The following UNC79 variants were observed in gnomAD, a reference collection of about 807,000 sequenced individuals.
The protein encoded by UNC79 is protein unc-79 homolog.
A neutral mutation model predicts 283.1 loss-of-function variants in UNC79; 37 were observed. The observed-to-expected ratio is 0.13, with a 90% CI of 0.10 to 0.17. The LOEUF (loss-of-function observed/expected upper bound fraction) is 0.17. Ranked by LOEUF, UNC79 falls within the 10% of genes least tolerant of loss-of-function variation. UNC79 has a pLI of 1.00. For synonymous variants in UNC79, 1,107 were observed against 1,200.2 expected, an observed-to-expected ratio of 0.92 and a Z score of 1.61; for missense variants, 2,272 against 3,211.1, an observed-to-expected ratio of 0.71 and a Z score of 7.07.
chr14:93,675,828 T>C (rs937422992), intron 41 of UNC79, among the ~76,000 whole-genome samples: 1 of 152,228 alleles, frequency 6.6e-6, no homozygotes, highest in African/African-American at 2.4e-5. Flanking sequence ...CAGCAATGGA[T>C]GCAGGGCATG....
At chr14:93,629,038 A>T (rs1213237928) in intron 30 of UNC79, among the ~76,000 whole-genome samples, 2 of 152,128 alleles carry the variant, frequency 1.3e-5, no homozygotes, top group African/African-American at 2.4e-5. Context: ...ATCTCTACTA[A>T]AAATACAAAA....
chr14:93,684,532 G>A (rs2074094155), intron 42 of UNC79, among the ~76,000 whole-genome samples: 1 of 151,926 alleles, frequency 6.6e-6, no homozygotes, highest in Non-Finnish European at 1.5e-5. Context: ...TAATTAATTG[G>A]AAAATGCTTA....
At chr14:93,555,712 T>G (rs2062141155) in intron 14 of UNC79, among the ~76,000 whole-genome samples, 1 of 152,246 alleles carries the variant, frequency 6.6e-6, no homozygotes, top group Non-Finnish European at 1.5e-5. Flanking sequence ...CCAAGATTTC[T>G]TTCTCATTTT....
At chr14:93,640,850 G>A (rs2068957352) in intron 32 of UNC79, among the ~76,000 whole-genome samples, 1 of 152,058 alleles carries the variant, frequency 6.6e-6, no homozygotes, top group African/African-American at 2.4e-5. Flanking sequence ...TTTCCCCTTT[G>A]TCTTTCATCT....
intron 19 of UNC79, 35 bp from the exon 20 acceptor site, chr14:93,582,168 G>A: frequency 6.2e-7 from 1 of 1,613,848 alleles, no homozygotes; most frequent in Non-Finnish European, 8.5e-7. Context: ...CCCCTCCAGG[G>A]CTGCTTACCT....
At chr14:93,553,142 A>G (rs1212266822) in intron 14 of UNC79, among the ~76,000 whole-genome samples, 5 of 152,260 alleles carry the variant, frequency 3.3e-5, no homozygotes, top group Admixed American at 3.3e-4. Flanking sequence ...ACTCACATAT[A>G]GTTTCCAAAT....
chr14:93,402,912 G>A (rs2055141099), intron 1 of UNC79, among the ~76,000 whole-genome samples: 1 of 152,170 alleles, frequency 6.6e-6, no homozygotes, highest in African/African-American at 2.4e-5. Context: ...CTGATGACGT[G>A]TGTCCAAGGT....
intron 14 of UNC79, among the ~76,000 whole-genome samples, chr14:93,564,678 G>A (rs990379842): frequency 6.6e-5 from 10 of 152,080 alleles, no homozygotes; most frequent in Admixed American, 3.3e-4. Flanking sequence ...GAGAGTCAGC[G>A]AAGGGAGATA....
At chr14:93,515,538 A>G (rs2060014255) in intron 7 of UNC79, among the ~76,000 whole-genome samples, 1 of 152,154 alleles carries the variant, frequency 6.6e-6, no homozygotes, top group African/African-American at 2.4e-5. Flanking sequence ...GGATTCCTTC[A>G]GAGAGAACTT....
chr14:93,357,990 T>A (rs1000499366), intron 1 of UNC79, among the ~76,000 whole-genome samples: 3 of 145,390 alleles, frequency 2.1e-5, no homozygotes, highest in Admixed American at 1.4e-4. Flanking sequence ...TATATCTCTC[T>A]CCTGTTAGAT....
intron 40 of UNC79, among the ~76,000 whole-genome samples, chr14:93,667,181 G>A (rs2072294057): frequency 6.7e-6 from 1 of 148,370 alleles, no homozygotes; most frequent in Non-Finnish European, 1.5e-5. Context: ...TGAAGGAGAG[G>A]GAGAGAAGGA....
At chr14:93,695,200 C>G (rs2075004577) in intron 47 of UNC79, among the ~76,000 whole-genome samples, 1 of 151,910 alleles carries the variant, frequency 6.6e-6, no homozygotes, top group Non-Finnish European at 1.5e-5. Flanking sequence ...TATCTTTCAC[C>G]TCTATATTCT....
chr14:93,500,740 G>A (rs1416174551), intron 7 of UNC79, among the ~76,000 whole-genome samples: 2 of 152,110 alleles, frequency 1.3e-5, no homozygotes, highest in Admixed American at 1.3e-4. Flanking sequence ...AATAATAAGG[G>A]CACAGATTGA....
At chr14:93,641,934 C>G (rs982680286) in intron 33 of UNC79, among the ~76,000 whole-genome samples, 1 of 152,228 alleles carries the variant, frequency 6.6e-6, no homozygotes. Context: ...ATGGGAGTTC[C>G]CCTGCACAAG....
chr14:93,542,236 A>G (rs1424031656), intron 13 of UNC79, among the ~76,000 whole-genome samples: 2 of 152,162 alleles, frequency 1.3e-5, no homozygotes, highest in East Asian at 3.9e-4. Context: ...GTAGGAGAAA[A>G]TGCTTAATTG....
rs562896267 is a variant in UNC79, at chr14:93,335,108, A to T, written c.-351+1585A>T. The T allele has an allele frequency of 2.0e-5, 3 of 152,364 alleles. No homozygotes were observed. The East Asian group carries it at 5.8e-4, about 29-fold the overall frequency. 9.4% of individuals were successfully genotyped at this position (152,364 alleles called of 1,614,324 possible). A position where few individuals can be genotyped will look rare whatever the true frequency, so the allele number is the denominator to read the frequency against. On this transcript the variant is annotated intron_variant, in intron 1 of 49. Coordinates refer to the UNC79 transcript ENST00000256339. ...TTTTCTAACAGCCTTTGATGTGGAA[A>T]TCTAAAACTTTTTGAAAAGCCAAGT... is the stretch of plus-strand genomic sequence containing the variant.
intron 1 of UNC79, among the ~76,000 whole-genome samples, chr14:93,375,842 GGATTACAATTT>G (rs2054547190): frequency 6.6e-6 from 1 of 152,034 alleles, no homozygotes; most frequent in African/African-American, 2.4e-5. Flanking sequence ...TCAACATTGG[GGATTACAATTT>G]GACATGAGAT....
chr14:93,412,366 T>G (rs2055352992), intron 1 of UNC79, among the ~76,000 whole-genome samples: 1 of 151,908 alleles, frequency 6.6e-6, no homozygotes, highest in Admixed American at 6.6e-5. Flanking sequence ...GGTAGAAAGT[T>G]TATTGAAAGG....
At chr14:93,626,367 C>T (rs1381780277) in intron 30 of UNC79, among the ~76,000 whole-genome samples, 2 of 152,184 alleles carry the variant, frequency 1.3e-5, no homozygotes, top group African/African-American at 4.8e-5. Flanking sequence ...CTACACCCAG[C>T]CTTTCCACAT....
Sources: allele counts gnomAD v4.1 joint callset (sites outside exome capture counted in the v4.1 genomes callset), GRCh38; gene constraint gnomAD v4.1.1; transcripts MANE v1.5; gene names NCBI Gene and HGNC (gene_info 2026-07-23, HGNC 2026-07-21).